Variants in ZSCAN20 observed in about 807,000 individuals in gnomAD.
ZSCAN20 encodes zinc finger and SCAN domain-containing protein 20.
Under a neutral mutation model 97.1 loss-of-function variants are expected in ZSCAN20, and 39 were observed. The observed-to-expected ratio is 0.40, with a 90% CI of 0.31 to 0.52. The LOEUF is 0.52. ZSCAN20 is among the 20% of genes least tolerant of loss of function. ZSCAN20 has a pLI of 0.49. For missense variants in ZSCAN20, 1,115 were observed against 1,290.4 expected (o/e 0.86, Z 2.08); for synonymous variants, 456 against 467.3 (o/e 0.98, Z 0.31).
intron 4 of ZSCAN20, 123 bp downstream of exon 4, chr1:33,489,314 C>A: frequency 1.7e-6 from 2 of 1,144,244 alleles, no homozygotes; most frequent in Non-Finnish European, 2.5e-6. Context: ...AGGGTGTTAG[C>A]CTTTGCCCTT....
chr1:33,493,798 C>T lies in ZSCAN20; in HGVS notation c.1873+183C>T, dbSNP rs1409134098. On this transcript the variant is annotated intron_variant, in intron 7 of 7. Coordinates refer to ENST00000684572, the MANE Select transcript of ZSCAN20 (RefSeq NM_001377376.1). The surrounding 1 kb of genome is among the most constrained non-coding windows in gnomAD (Gnocchi z 4.3). ...TGTGTGATCCCCCGAATCAGTCAGTCAGTCAGTCATTCTATCTTTTACTAG... is the reference window on the plus strand; with the variant it reads ...TGTGTGATCCCCCGAATCAGTCAGTTAGTCAGTCATTCTATCTTTTACTAG... Among the ~76,000 whole-genome samples, 2 of 152,246 alleles carry T rather than the reference C, an allele frequency of 1.3e-5. No individual in the cohort carries two copies. The highest frequency in any genetic ancestry group is 2.4e-5 in the African/African-American group (1 of 41,466).
At chr1:33,492,886 A>G (rs1173212659) in intron 6 of ZSCAN20, among the ~76,000 whole-genome samples, 1 of 152,170 alleles carries the variant, frequency 6.6e-6, no homozygotes, top group Non-Finnish European at 1.5e-5. Flanking sequence ...CCCTGAACTA[A>G]TCAGCTAAAG....
Position 33,495,547 on chromosome 1 carries a change from T to G in ZSCAN20, c.*71T>G, listed in dbSNP as rs3795420. 0.78 allele frequency: 1,021,488 copies of G among 1,313,924 alleles called. 398,477 individuals are homozygous for G. Among genetic ancestry groups the G allele is most frequent in the African/African-American group, 0.82 (56,308 of 68,258 alleles). 81.4% of individuals were successfully genotyped at this position (1,313,924 alleles called of 1,614,324 possible). On this transcript the variant is annotated 3_prime_UTR_variant, in exon 8 of 8. Transcript: ENST00000684572. ...TATATCATAAGATGTATGCTAGAGATAAACTTTCCAATTTTTAAGCTTGGT... is the reference window on the plus strand; with the variant it reads ...TATATCATAAGATGTATGCTAGAGAGAAACTTTCCAATTTTTAAGCTTGGT...
Position 33,494,696 on chromosome 1 carries a change from C to T in ZSCAN20, c.2352C>T (p.His784=). 1 of 1,614,018 alleles carries T rather than the reference C, an allele frequency of 6.2e-7. No homozygotes were observed. Among genetic ancestry groups the T allele is most frequent in the Non-Finnish European group, 8.5e-7 (1 of 1,179,994 alleles). ...SFSDHSNLIT[H]QRIHTGEKPY... Reference sequence around the variant, plus strand: ...GTGACCATTCTAATCTCATCACTCACCAGAGAATTCACACGGGGGAAAAGC... The same window carrying T: ...GTGACCATTCTAATCTCATCACTCATCAGAGAATTCACACGGGGGAAAAGC... Residue 784 remains histidine (H), a synonymous_variant, in exon 8 of 8, where the codon CAC becomes CAT. Coordinates refer to ENST00000684572, the MANE Select transcript of ZSCAN20 (RefSeq NM_001377376.1).
intron 1 of ZSCAN20, among the ~76,000 whole-genome samples, chr1:33,476,732 T>G (rs909369317): frequency 6.6e-6 from 1 of 152,214 alleles, no homozygotes; most frequent in Non-Finnish European, 1.5e-5. Flanking sequence ...AGAAATTTCA[T>G]GAAAGGCGAA....
chr1:33,494,081 A>C lies in ZSCAN20; in HGVS notation c.1874-137A>C, dbSNP rs141865755. 2.1e-3 allele frequency: 1,673 copies of C among 789,518 alleles called. 29 individuals are homozygous for C. The African/African-American group carries it at 0.027, about 13-fold the overall frequency. 48.9% of individuals were successfully genotyped at this position (789,518 alleles called of 1,614,324 possible). ...GATCAATTTCTTGTTAGTCACATTT[A>C]TAAGATGTGCGATAGAAGATATAAG... On this transcript the variant is annotated intron_variant, in intron 7 of 7. Transcript: ENST00000684572.
In ZSCAN20 at chr1:33,495,444, C is replaced by T. The variant is rs753619954; in HGVS notation, c.3100C>T (p.Arg1034Trp). The T allele has an allele frequency of 1.6e-5, 25 of 1,553,190 alleles. No individual in the cohort carries two copies. Among genetic ancestry groups the T allele is most frequent in the South Asian group, 3.7e-5 (3 of 81,138 alleles). The change falls in exon 8 of 8, where the codon CGG becomes TGG. Residue 1034 changes from arginine to tryptophan, a missense_variant. Around this residue, in one of 3 missense-constraint regions of ZSCAN20, gnomAD observed 554 missense variants for 584.9 expected, o/e 0.95. Coordinates refer to ENST00000684572, the MANE Select transcript of ZSCAN20 (RefSeq NM_001377376.1). Reference protein sequence around the residue: ...FNNSSHFSAHRRTHAGGKAS With the variant: ...FNNSSHFSAHWRTHAGGKAS ...CAACAGTTCCCACTTCAGTGCTCAC[C>T]GGAGAACCCATGCAGGAGGGAAGGC...
rs938479545 is a variant in ZSCAN20 at position 33,496,275 on chromosome 1, C to T, written c.*799C>T. The T allele has an allele frequency of 6.6e-6, 1 of 152,146 alleles. No homozygotes were observed. Among genetic ancestry groups the T allele is most frequent in the African/African-American group, 2.4e-5 (1 of 41,418 alleles). 9.4% of individuals were successfully genotyped at this position (152,146 alleles called of 1,614,324 possible). On this transcript the variant is annotated 3_prime_UTR_variant, in exon 8 of 8. Transcript: ENST00000684572. The stretch of plus-strand genomic sequence containing the variant: ...CATTCATGTTAGGTAACTTAGGGGC[C>T]AGAATCTCCATGCACTTTGTAGACC...
At chr1:33,489,229 G>T (rs1216484953) in intron 4 of ZSCAN20, 38 bp downstream of exon 4, 6 of 1,590,116 alleles carry the variant, frequency 3.8e-6, no homozygotes, top group Non-Finnish European at 4.3e-6. Context: ...TGTCATTGCT[G>T]CTCCTGTGCT....
chr1:33,490,691 C>T (rs896015397), intron 5 of ZSCAN20, among the ~76,000 whole-genome samples: 2 of 140,084 alleles, frequency 1.4e-5, no homozygotes, highest in African/African-American at 5.4e-5. Flanking sequence ...ACACCACACA[C>T]CCTTTTCCTC....
At chr1:33,475,816 C>T (rs889503927) in intron 1 of ZSCAN20, among the ~76,000 whole-genome samples, 7 of 120,010 alleles carry the variant, frequency 5.8e-5, no homozygotes, top group African/African-American at 1.6e-4. Context: ...CGAGCCACCA[C>T]GCTTGGCTAT....
rs1653035806 is a variant in ZSCAN20, at chr1:33,500,654, C to T, written c.*5178C>T. 7.4e-6 allele frequency among the ~76,000 whole-genome samples: 1 copy of T among 134,960 alleles called. No individual in the cohort carries two copies. Among genetic ancestry groups the T allele is most frequent in the African/African-American group, 2.9e-5 (1 of 34,010 alleles). The allele number at this position is 134,960 out of a possible 152,430, so 88.5% of individuals were successfully genotyped here. On this transcript the variant is annotated 3_prime_UTR_variant, in exon 8 of 8. Coordinates refer to ENST00000684572, the MANE Select transcript of ZSCAN20 (RefSeq NM_001377376.1). ...GCCTGCTATTACATGATACTTATTT[C>T]TAAAGTCACTTTTTTTTTTTTTTTT...
At position 33,498,103 on chromosome 1, in the gene ZSCAN20, T is replaced by C. The variant is rs1313337801; in HGVS notation, c.*2627T>C. Among the ~76,000 whole-genome samples the C allele has an allele frequency of 1.3e-5, 2 of 152,168 alleles. No individual in the cohort carries two copies. Among genetic ancestry groups the C allele is most frequent in the Non-Finnish European group, 1.5e-5 (1 of 68,026 alleles). On this transcript the variant is annotated 3_prime_UTR_variant, in exon 8 of 8. Transcript: ENST00000684572. ...TGGCCCTCAAAGGAGATCTAGACCATTCCCCACTCCCACCCACTACCATCA... is the reference window on the plus strand; with the variant it reads ...TGGCCCTCAAAGGAGATCTAGACCACTCCCCACTCCCACCCACTACCATCA...
Position 33,499,863 on chromosome 1 carries a change from C to T in ZSCAN20, c.*4387C>T, listed in dbSNP as rs1447134168. ...CCTCCCACCTCAGCCTCCCAAAGCT[C>T]CCCTTAACCTCAGTTTTGATCCCAT... is the stretch of plus-strand genomic sequence containing the variant. On this transcript the variant is annotated 3_prime_UTR_variant, in exon 8 of 8. Coordinates refer to ENST00000684572, the MANE Select transcript of ZSCAN20 (RefSeq NM_001377376.1). 6.6e-6 allele frequency among the ~76,000 whole-genome samples: 1 copy of T among 152,140 alleles called. No homozygotes were observed. Among genetic ancestry groups the T allele is most frequent in the Non-Finnish European group, 1.5e-5 (1 of 68,044 alleles).
intron 2 of ZSCAN20, among the ~76,000 whole-genome samples, chr1:33,487,470 C>T (rs903893110): frequency 6.6e-5 from 10 of 151,216 alleles, no homozygotes. Context: ...TTGATTACTC[C>T]CTTTTATTTT....
rs778588253 is a variant in ZSCAN20, at chr1:33,494,770, T to G, written c.2426T>G (p.Leu809Arg). The change falls in exon 8 of 8, where the codon CTT (leucine) becomes CGT (arginine). Residue 809 changes from leucine (L) to arginine (R), a missense_variant. This residue lies in a region of ZSCAN20 where 554 missense variants were observed against 584.9 expected (regional missense o/e 0.95). Transcript: ENST00000684572. ...AAAAGCTTCAACCAGAGCTCAAACC[T>G]TCTGAAACATCAGAGAATCCACTTG... ...CWKSFNQSSN[L>R]LKHQRIHLGG... 2.5e-6 allele frequency: 4 copies of G among 1,614,022 alleles called. No individual in the cohort carries two copies. In the East Asian group the frequency reaches 6.7e-5, roughly 27 times the overall value.
Position 33,500,730 on chromosome 1 carries a change from C to T in ZSCAN20, c.*5254C>T, listed in dbSNP as rs1653040419. Reference sequence around the variant, plus strand: ...CATAAAAATTGTGCCCCCTAGAGGGCGAGGGCCACGGGAAGGGGGATCAGG... The same window carrying T: ...CATAAAAATTGTGCCCCCTAGAGGGTGAGGGCCACGGGAAGGGGGATCAGG... On this transcript the variant is annotated 3_prime_UTR_variant, in exon 8 of 8. Transcript: ENST00000684572. Among the ~76,000 whole-genome samples, 1 of 149,604 alleles carries T rather than the reference C, an allele frequency of 6.7e-6. No individual in the cohort carries two copies. Among genetic ancestry groups the T allele is most frequent in the Non-Finnish European group, 1.5e-5 (1 of 67,694 alleles).
At chr1:33,478,424 G>T (rs1652015622) in intron 1 of ZSCAN20, among the ~76,000 whole-genome samples, 1 of 152,074 alleles carries the variant, frequency 6.6e-6, no homozygotes, top group Non-Finnish European at 1.5e-5. Context: ...CTTCACTGAA[G>T]GGGGAGCTTC....
Position 33,479,244 on chromosome 1 carries a change from T to C in ZSCAN20, c.-45T>C. The C allele has an allele frequency of 2.0e-6, 3 of 1,535,586 alleles. No individual in the cohort carries two copies. The highest frequency in any genetic ancestry group is 4.5e-5 in the East Asian group (2 of 44,050). ...GACTCACCGTAGATGCAGGAAGACATTGGATGAGGTCAGCATAGCTGAAGT... is the reference window on the plus strand; with the variant it reads ...GACTCACCGTAGATGCAGGAAGACACTGGATGAGGTCAGCATAGCTGAAGT... On this transcript the variant is annotated 5_prime_UTR_variant, in exon 2 of 8. Coordinates refer to ENST00000684572, the MANE Select transcript of ZSCAN20 (RefSeq NM_001377376.1).
Sources: allele counts gnomAD v4.1 joint callset (sites outside exome capture counted in the v4.1 genomes callset), GRCh38; gene constraint gnomAD v4.1.1; regional missense constraint gnomAD v4.1.1; non-coding constraint Gnocchi (gnomAD v3.1); transcripts MANE v1.5; gene names NCBI Gene and HGNC (gene_info 2026-07-23, HGNC 2026-07-21).